UVSSA: variants seen among roughly 807,000 people sequenced by gnomAD.
UVSSA encodes the protein UV-stimulated scaffold protein A.
Under a neutral mutation model 73.9 loss-of-function variants are expected in UVSSA, and 72 were observed. The ratio of observed to expected loss-of-function variants is 0.97; its 90% confidence interval spans 0.81 to 1.19. The LOEUF (loss-of-function observed/expected upper bound fraction) is 1.19, where lower values mean the gene tolerates loss of function less well. Among genes scored for constraint, UVSSA ranks in the 50% most tolerant of loss-of-function variants. The pLI is 0.00. For synonymous variants in UVSSA, 454 were observed against 391.3 expected (o/e 1.16, Z -1.89); for missense variants, 1,150 against 965.0 (o/e 1.19, Z -2.54).
exon 14 of UVSSA, chr4:1,393,275 T>G (rs763190623): frequency 6.6e-6 from 1 of 152,258 alleles, no homozygotes; most frequent in Non-Finnish European, 1.5e-5. Flanking sequence ...TCCATTTGGC[T>G]CTCTCCTATA....
chr4:1,360,090 G>T (rs1716401237), intron 7 of UVSSA, among the ~76,000 whole-genome samples: 1 of 152,244 alleles, frequency 6.6e-6, no homozygotes, highest in African/African-American at 2.4e-5. Flanking sequence ...CCCTAGGGCT[G>T]GGAAACAACC....
At chr4:1,369,522 C>T (rs772496299) in intron 8 of UVSSA, among the ~76,000 whole-genome samples, 29 of 152,362 alleles carry the variant, frequency 1.9e-4, no homozygotes, top group Admixed American at 6.5e-4. Flanking sequence ...CGGAGGAAAC[C>T]GTGCTCTTTT....
upstream of UVSSA, among the ~76,000 whole-genome samples, chr4:1,346,185 C>T (rs1383451441): frequency 6.6e-6 from 1 of 152,238 alleles, no homozygotes; most frequent in Non-Finnish European, 1.5e-5. Context: ...ATAACTCACA[C>T]ATCCTGAAAC....
chr4:1,360,181 G>T (rs991431411), intron 7 of UVSSA, among the ~76,000 whole-genome samples: 2 of 152,250 alleles, frequency 1.3e-5, no homozygotes, highest in Non-Finnish European at 2.9e-5. Flanking sequence ...CTGCCCACGG[G>T]GGGCGGGGTG....
In UVSSA at chr4:1,387,998, A is replaced by G. The variant is rs1206586020; in HGVS notation, c.*2037A>G. ...TTGATAGGAATTACATTAAATCTAGAGATTGCTTTGGAATGTATTACCGTC... is the reference window on the plus strand; with the variant it reads ...TTGATAGGAATTACATTAAATCTAGGGATTGCTTTGGAATGTATTACCGTC... On this transcript the variant is annotated 3_prime_UTR_variant, in exon 14 of 14. Coordinates refer to ENST00000389851, the MANE Select transcript of UVSSA (RefSeq NM_020894.4). 1 of 151,236 alleles carries G rather than the reference A, an allele frequency of 6.6e-6. No homozygotes were observed. 9.4% of individuals were successfully genotyped at this position (151,236 alleles called of 1,614,324 possible).
At chr4:1,374,500 G>T (rs1226052505) in intron 8 of UVSSA, among the ~76,000 whole-genome samples, 1 of 152,250 alleles carries the variant, frequency 6.6e-6, no homozygotes, top group Non-Finnish European at 1.5e-5. Flanking sequence ...CCTTGTCCTG[G>T]TCCGGGGACC....
chr4:1,365,044 A>G (rs1369506812), intron 7 of UVSSA, among the ~76,000 whole-genome samples: 1 of 152,178 alleles, frequency 6.6e-6, no homozygotes, highest in East Asian at 1.9e-4. Flanking sequence ...AGGGAAGGTG[A>G]GGCGGAGAAG....
chr4:1,365,636 C>T (rs1350132532), intron 7 of UVSSA, among the ~76,000 whole-genome samples: 1 of 152,226 alleles, frequency 6.6e-6, no homozygotes, highest in East Asian at 1.9e-4. Flanking sequence ...AGGTGGTTTT[C>T]ATACAAGTCC....
intron 10 of UVSSA, among the ~76,000 whole-genome samples, chr4:1,377,151 C>T (rs1036153952): frequency 1.3e-5 from 2 of 152,110 alleles, no homozygotes; most frequent in Admixed American, 6.5e-5. Context: ...GCAGGGGAGC[C>T]GGGCAAGGGT....
rs1480416794 is a variant in UVSSA, at chr4:1,360,548, C to G, written c.1176+5303C>G. ...ATGAATGTAAGTGCGCCTGACAAAC[C>G]CGTGCTATGGCCGCGCCCAGAGGCT... is the stretch of plus-strand genomic sequence containing the variant. On this transcript the variant is annotated intron_variant, in intron 7 of 13. Coordinates refer to ENST00000389851, the MANE Select transcript of UVSSA (RefSeq NM_020894.4). 2.0e-5 allele frequency among the ~76,000 whole-genome samples: 3 copies of G among 152,206 alleles called. No individual in the cohort carries two copies. The East Asian group carries it at 5.8e-4, about 29-fold the overall frequency.
chr4:1,348,049 T>C, intron 1 of UVSSA, 41 bp from the exon 2 acceptor site: 1 of 1,490,676 alleles, frequency 6.7e-7, no homozygotes, highest in Non-Finnish European at 9.3e-7. Flanking sequence ...AGCTATAAAA[T>C]ACAGATGGTG....
At chr4:1,374,746 C>T (rs1443643292) in intron 8 of UVSSA, among the ~76,000 whole-genome samples, 2 of 152,168 alleles carry the variant, frequency 1.3e-5, no homozygotes, top group Admixed American at 6.5e-5. Flanking sequence ...CTGTCAGAGG[C>T]GCCTGCTGAA....
At chr4:1,394,592 T>TGGAGTGCCCGCCTGCTCATGG (rs1720478200) in exon 14 of UVSSA, 1 of 1,348,344 alleles carries the variant, frequency 7.4e-7, no homozygotes, top group African/African-American at 2.0e-5. Flanking sequence ...CCTGCTCATG[T>TGGAGTGCCCGCCTGCTCATGG]GCCCATGTGG....
exon 14 of UVSSA, chr4:1,395,025 T>G: frequency 1.4e-6 from 2 of 1,474,408 alleles, no homozygotes; most frequent in Admixed American, 1.8e-5. Context: ...TGCTCACACG[T>G]GCCCATGTGG....
At chr4:1,395,325 C>T in exon 14 of UVSSA, 1 of 1,556,734 alleles carries the variant, frequency 6.4e-7, no homozygotes, top group Non-Finnish European at 8.7e-7. Flanking sequence ...TGCCCGCCTG[C>T]TCACGTGCCG....
chr4:1,353,010 G>A lies in UVSSA; in HGVS notation c.551-20G>A. 6.3e-7 allele frequency: 1 copy of A among 1,595,700 alleles called. No homozygotes were observed. Among genetic ancestry groups the A allele is most frequent in the Non-Finnish European group, 8.5e-7 (1 of 1,170,468 alleles). Reference sequence around the variant, plus strand: ...TTGCTCCACATAGCGCAGCAAACAGGTGTCTTGATCTTCCGGCAGAAATGT... The same window carrying A: ...TTGCTCCACATAGCGCAGCAAACAGATGTCTTGATCTTCCGGCAGAAATGT... On this transcript the variant is annotated intron_variant, in intron 4 of 13. Coordinates refer to ENST00000389851, the MANE Select transcript of UVSSA (RefSeq NM_020894.4).
intron 4 of UVSSA, 22 bp from the exon 5 acceptor site, chr4:1,353,008 A>G (rs17164682): frequency 0.069 from 110,198 of 1,593,762 alleles, 10,380 homozygotes; most frequent in East Asian, 0.4. Flanking sequence ...CGCAGCAAAC[A>G]GGTGTCTTGA....
At chr4:1,393,415 C>T (rs1490859463) in exon 14 of UVSSA, 2 of 152,094 alleles carry the variant, frequency 1.3e-5, no homozygotes, top group Non-Finnish European at 2.9e-5. Context: ...CTAAGCCGGG[C>T]GTGGTGGTGT....
chr4:1,372,362 TCTG>T (rs1201804852), intron 8 of UVSSA, among the ~76,000 whole-genome samples: 1 of 152,214 alleles, frequency 6.6e-6, no homozygotes, highest in Non-Finnish European at 1.5e-5. Flanking sequence ...CTCTCCGACT[TCTG>T]CTGCCGTCCT....
Sources: gnomAD v4.1 joint callset for allele counts (sites outside exome capture counted in the v4.1 genomes callset) on GRCh38, gnomAD v4.1.1 for gene constraint, MANE v1.5 for transcripts, NCBI Gene and HGNC (gene_info 2026-07-23, HGNC 2026-07-21) for gene names.